Variants in PPARGC1A observed in about 807,000 individuals in gnomAD.
PPARGC1A encodes the protein peroxisome proliferator-activated receptor gamma coactivator 1-alpha.
In PPARGC1A, 25 loss-of-function variants were observed where a neutral mutation model predicts 88.7. The ratio of observed to expected loss-of-function variants is 0.28; its 90% CI spans 0.21 to 0.39. The LOEUF is 0.39. PPARGC1A is among the 10% of genes least tolerant of loss of function. The probability of loss-of-function intolerance (pLI) is 1.00; values close to 1 mark genes in which losing one functional copy is unlikely to be tolerated. For synonymous variants in PPARGC1A, 363 were observed against 355.6 expected (o/e 1.02, Z -0.24); for missense variants, 880 against 968.7 (o/e 0.91, Z 1.22).
At chr4:23,970,376 C>A in the PPARGC1A span, among the ~76,000 whole-genome samples, 1 of 152,212 alleles carries the variant, frequency 6.6e-6, no homozygotes, top group Non-Finnish European at 1.5e-5. Flanking sequence ...GCTCTGAAGT[C>A]AGATGAACCT....
At chr4:24,159,317 TCTC>T in the PPARGC1A span, among the ~76,000 whole-genome samples, 3 of 151,118 alleles carry the variant, frequency 2.0e-5, no homozygotes, top group South Asian at 2.1e-4. Flanking sequence ...TTCAAGCAGT[TCTC>T]CTCCCTCGGC....
chr4:24,420,685 C>T, the PPARGC1A span, among the ~76,000 whole-genome samples: 1 of 152,198 alleles, frequency 6.6e-6, no homozygotes, highest in Non-Finnish European at 1.5e-5. Flanking sequence ...TTCCTGCCCA[C>T]ACTTTCCACA....
At chr4:23,978,101 T>C in the PPARGC1A span, among the ~76,000 whole-genome samples, 3 of 152,142 alleles carry the variant, frequency 2.0e-5, no homozygotes, top group Non-Finnish European at 4.4e-5. Context: ...AATGTCCAAT[T>C]TGCATCCTTA....
chr4:23,831,835 G>A, intron 2 of PPARGC1A, 84 bp from the exon 3 acceptor site: 1 of 1,089,762 alleles, frequency 9.2e-7, no homozygotes, highest in Non-Finnish European at 1.4e-6. Context: ...GACCAAATGA[G>A]TGAACCATAC....
chr4:24,254,932 T>A, the PPARGC1A span, among the ~76,000 whole-genome samples: 1 of 152,164 alleles, frequency 6.6e-6, no homozygotes, highest in Non-Finnish European at 1.5e-5. Context: ...ATGGAAATGA[T>A]CCTATTTTTG....
the PPARGC1A span, among the ~76,000 whole-genome samples, chr4:23,983,900 C>G: frequency 6.6e-6 from 1 of 152,032 alleles, no homozygotes. Flanking sequence ...TCTCTCTTTC[C>G]TTTATTGTCC....
the PPARGC1A span, among the ~76,000 whole-genome samples, chr4:24,194,975 T>C: frequency 0.038 from 5,862 of 152,262 alleles, 153 homozygotes; most frequent in Middle Eastern, 0.075. Context: ...CTTATAATAG[T>C]AGACAAATAG....
chr4:24,080,364 AAGTT>A, the PPARGC1A span, among the ~76,000 whole-genome samples: 3 of 152,114 alleles, frequency 2.0e-5, no homozygotes, highest in African/African-American at 4.8e-5. Context: ...TTATATCAAA[AAGTT>A]AGTTATTAAT....
At chr4:23,884,454 GTTC>G in intron 2 of PPARGC1A, 1 of 385,956 alleles carries the variant, frequency 2.6e-6, no homozygotes, top group Non-Finnish European at 4.6e-6. Context: ...TTAGACTTTT[GTTC>G]TTCTTTGTCA....
At chr4:24,326,575 A>T in the PPARGC1A span, among the ~76,000 whole-genome samples, 1 of 152,200 alleles carries the variant, frequency 6.6e-6, no homozygotes, top group South Asian at 2.1e-4. Flanking sequence ...CACTGCCGCA[A>T]GGCTTCACAG....
At chr4:24,379,898 C>T in the PPARGC1A span, among the ~76,000 whole-genome samples, 1 of 151,650 alleles carries the variant, frequency 6.6e-6, no homozygotes, top group South Asian at 2.1e-4. Flanking sequence ...TCTGCCTCAG[C>T]CTCCCAAGTA....
chr4:24,014,216 G>A, the PPARGC1A span, among the ~76,000 whole-genome samples: 1 of 152,142 alleles, frequency 6.6e-6, no homozygotes, highest in African/African-American at 2.4e-5. Flanking sequence ...AGTTGCAAAA[G>A]CCCCAGCTGA....
chr4:24,258,459 T>C, the PPARGC1A span, among the ~76,000 whole-genome samples: 1 of 152,204 alleles, frequency 6.6e-6, no homozygotes, highest in African/African-American at 2.4e-5. Flanking sequence ...ATATTTCCTA[T>C]GTCATTTTCA....
the PPARGC1A span, among the ~76,000 whole-genome samples, chr4:24,050,305 C>T: frequency 6.7e-6 from 1 of 149,934 alleles, no homozygotes; most frequent in Non-Finnish European, 1.5e-5. Flanking sequence ...AAGTGATTCT[C>T]CTGCCTCAGC....
the PPARGC1A span, among the ~76,000 whole-genome samples, chr4:24,424,184 G>C: frequency 2.7e-5 from 4 of 146,634 alleles, no homozygotes; most frequent in African/African-American, 7.6e-5. Context: ...GGCATTATTT[G>C]AGGAGCCTCT....
intron 3 of PPARGC1A, among the ~76,000 whole-genome samples, chr4:23,830,812 C>G (rs1247205811): frequency 6.6e-6 from 1 of 152,162 alleles, no homozygotes; most frequent in Non-Finnish European, 1.5e-5. Context: ...TGGTCAAGCA[C>G]TGCATTGAAC....
At chr4:24,230,225 G>T in the PPARGC1A span, among the ~76,000 whole-genome samples, 1 of 152,098 alleles carries the variant, frequency 6.6e-6, no homozygotes, top group Non-Finnish European at 1.5e-5. Context: ...AACAAGCCCT[G>T]GTATTTGGCT....
chr4:24,161,973 C>T, the PPARGC1A span, among the ~76,000 whole-genome samples: 573 of 120,694 alleles, frequency 4.7e-3, 8 homozygotes, highest in African/African-American at 0.021. Flanking sequence ...CACACACACA[C>T]ACACACACAC....
the PPARGC1A span, among the ~76,000 whole-genome samples, chr4:24,078,971 C>T: frequency 2.2e-4 from 33 of 151,996 alleles, no homozygotes; most frequent in Non-Finnish European, 4.6e-4. Context: ...AAATAAAACA[C>T]TTTATTTCAG....
Sources: gnomAD v4.1 joint callset for allele counts (sites outside exome capture counted in the v4.1 genomes callset) on GRCh38, gnomAD v4.1.1 for gene constraint, MANE v1.5 for transcripts, NCBI Gene and HGNC (gene_info 2026-07-23, HGNC 2026-07-21) for gene names.